Variants in TMEM132B observed in about 807,000 individuals in gnomAD.
TMEM132B encodes the protein transmembrane protein 132B.
A neutral mutation model predicts 90.8 loss-of-function variants in TMEM132B; 18 were observed. The observed-to-expected ratio is 0.20, with a 90% confidence interval of 0.14 to 0.29. The LOEUF is 0.29. Among genes scored for constraint, TMEM132B ranks in the 10% least tolerant of loss-of-function variants. TMEM132B has a pLI of 1.00. For missense variants in TMEM132B, 1,096 were observed against 1,326.8 expected, an observed-to-expected ratio of 0.83 and a Z score of 2.70; for synonymous variants, 504 against 523.3, an observed-to-expected ratio of 0.96 and a Z score of 0.50.
chr12:125,493,235 A>G (rs1248497043), intron 3 of TMEM132B, among the ~76,000 whole-genome samples: 1 of 152,184 alleles, frequency 6.6e-6, no homozygotes, highest in Admixed American at 6.5e-5. Context: ...TGATTGCTCA[A>G]ACTAAGGCCA....
At chr12:125,454,488 T>C (rs1485908809) in intron 3 of TMEM132B, among the ~76,000 whole-genome samples, 2 of 151,796 alleles carry the variant, frequency 1.3e-5, no homozygotes, top group Non-Finnish European at 2.9e-5. Context: ...CCCTCTGTAA[T>C]GAAACCAAGT....
chr12:125,619,821 CAA>C (rs1886078723), intron 5 of TMEM132B, among the ~76,000 whole-genome samples: 2 of 152,190 alleles, frequency 1.3e-5, no homozygotes, highest in Admixed American at 6.5e-5. Flanking sequence ...TCCTGCAAGA[CAA>C]GAGAGAGTCA....
At chr12:125,603,635 G>A (rs191521431) in intron 5 of TMEM132B, among the ~76,000 whole-genome samples, 10 of 152,128 alleles carry the variant, frequency 6.6e-5, no homozygotes, top group Non-Finnish European at 7.4e-5. Flanking sequence ...TCTTCACAGC[G>A]AAAGAAACTA....
intron 5 of TMEM132B, among the ~76,000 whole-genome samples, chr12:125,602,201 G>A (rs1436838132): frequency 6.6e-6 from 1 of 152,192 alleles, no homozygotes; most frequent in Non-Finnish European, 1.5e-5. Flanking sequence ...GAACATCGAT[G>A]TGAAAATCCT....
At chr12:125,598,372 A>G (rs1404189424) in intron 5 of TMEM132B, among the ~76,000 whole-genome samples, 2 of 152,160 alleles carry the variant, frequency 1.3e-5, no homozygotes, top group African/African-American at 4.8e-5. Flanking sequence ...ACCTGCCCCA[A>G]TCCACAAAAG....
At chr12:125,296,979 C>T (rs1212286221) in intron 1 of TMEM132B, among the ~76,000 whole-genome samples, 1 of 152,214 alleles carries the variant, frequency 6.6e-6, no homozygotes, top group African/African-American at 2.4e-5. Context: ...CAGGTCTGCA[C>T]GAGCAGCTGT....
intron 4 of TMEM132B, among the ~76,000 whole-genome samples, chr12:125,567,719 C>T (rs142275434): frequency 1.3e-5 from 2 of 152,320 alleles, no homozygotes; most frequent in East Asian, 3.9e-4. Context: ...GTGCCATTTG[C>T]TTGCCGGTCC....
Position 125,349,683 on chromosome 12 carries a change from A to G in TMEM132B, c.299A>G (p.Lys100Arg). The change falls in exon 2 of 9, where the codon AAG (lysine) becomes AGG (arginine). Residue 100 changes from lysine to arginine, a missense_variant. Coordinates refer to ENST00000682704, the MANE Select transcript of TMEM132B (RefSeq NM_001366854.1). The surrounding 1 kb of genome is among the most constrained non-coding windows in gnomAD (Gnocchi z 4.1). ...NASYGPFSVE[K>R]IIPQELLLTS... ...AGCTATGGCCCATTTTCAGTGGAGA[A>G]GATAATCCCCCAGGAGCTCCTGTTG... 1 of 1,614,218 alleles carries G rather than the reference A, an allele frequency of 6.2e-7. No homozygotes were observed. Among genetic ancestry groups the G allele is most frequent in the Non-Finnish European group, 8.5e-7 (1 of 1,180,024 alleles).
intron 4 of TMEM132B, among the ~76,000 whole-genome samples, chr12:125,560,207 T>A (rs80093221): frequency 0.049 from 7,509 of 152,270 alleles, 267 homozygotes; most frequent in Non-Finnish European, 0.074. Context: ...GCTGATTGCC[T>A]GCTGGCCTGG....
chr12:125,528,562 G>T (rs1286269502), intron 4 of TMEM132B, among the ~76,000 whole-genome samples: 2 of 152,220 alleles, frequency 1.3e-5, no homozygotes, highest in Non-Finnish European at 2.9e-5. Flanking sequence ...GAATGGCGAT[G>T]AATTAGGCAG....
At chr12:125,356,943 A>G (rs1877794289) in intron 2 of TMEM132B, among the ~76,000 whole-genome samples, 1 of 152,220 alleles carries the variant, frequency 6.6e-6, no homozygotes. Flanking sequence ...ACGACGTAAG[A>G]TATCATTGTT....
At chr12:125,311,444 C>A (rs994457617) in intron 1 of TMEM132B, among the ~76,000 whole-genome samples, 1 of 152,154 alleles carries the variant, frequency 6.6e-6, no homozygotes, top group Non-Finnish European at 1.5e-5. Context: ...AGGTTGAAAA[C>A]TCTGGCGTCA....
intron 4 of TMEM132B, among the ~76,000 whole-genome samples, chr12:125,547,177 T>C (rs979062648): frequency 2.0e-5 from 3 of 152,204 alleles, no homozygotes; most frequent in Admixed American, 2.0e-4. Flanking sequence ...CCATATCAGG[T>C]ACTATGGTAA....
chr12:125,562,863 G>T (rs759039274), intron 4 of TMEM132B, among the ~76,000 whole-genome samples: 3 of 152,106 alleles, frequency 2.0e-5, no homozygotes, highest in Non-Finnish European at 2.9e-5. Flanking sequence ...GAAACTGTGA[G>T]TTTTGTTATA....
intron 5 of TMEM132B, among the ~76,000 whole-genome samples, chr12:125,593,446 A>G (rs756247594): frequency 6.6e-6 from 1 of 152,226 alleles, no homozygotes; most frequent in Non-Finnish European, 1.5e-5. Context: ...CCACCTGCCC[A>G]GTAAACATGG....
chr12:125,555,487 C>T (rs1884352453), intron 4 of TMEM132B, among the ~76,000 whole-genome samples: 1 of 141,794 alleles, frequency 7.1e-6, no homozygotes, highest in Admixed American at 7.5e-5. Flanking sequence ...GAAAGAAAAA[C>T]AAAAACAAGT....
At chr12:125,547,129 A>G (rs571833840) in intron 4 of TMEM132B, among the ~76,000 whole-genome samples, 1 of 152,312 alleles carries the variant, frequency 6.6e-6, no homozygotes, top group East Asian at 1.9e-4. Flanking sequence ...TATGGGAACT[A>G]CAATTCTAGA....
At chr12:125,193,523 A>G (rs1213690113) in intron 1 of TMEM132B, among the ~76,000 whole-genome samples, 1 of 152,234 alleles carries the variant, frequency 6.6e-6, no homozygotes, top group African/African-American at 2.4e-5. Context: ...TGGTCAATGC[A>G]AGGCGATATG....
intron 5 of TMEM132B, among the ~76,000 whole-genome samples, chr12:125,598,994 A>C (rs188437355): frequency 7.2e-5 from 11 of 152,318 alleles, no homozygotes; most frequent in African/African-American, 2.6e-4. Context: ...AGCAGTGATC[A>C]CAGTCATAAT....
Sources: gnomAD v4.1 joint callset for allele counts (sites outside exome capture counted in the v4.1 genomes callset) on GRCh38, gnomAD v4.1.1 for gene constraint, Gnocchi (gnomAD v3.1) non-coding constraint, MANE v1.5 for transcripts, NCBI Gene and HGNC (gene_info 2026-07-23, HGNC 2026-07-21) for gene names.